UBXN7: variants seen among roughly 807,000 people sequenced by gnomAD.
The protein encoded by UBXN7 is UBX domain protein 7, also known as UBX domain-containing protein 7.
Under a neutral mutation model 58.0 loss-of-function variants are expected in UBXN7, and 9 were observed. That is an observed-to-expected ratio of 0.16 (90% CI 0.09 to 0.27). The LOEUF (loss-of-function observed/expected upper bound fraction) is 0.27, where lower values mean the gene tolerates loss of function less well. Ranked by LOEUF, UBXN7 falls within the 10% of genes least tolerant of loss-of-function variation. The probability of loss-of-function intolerance (pLI) is 1.00; values close to 1 mark genes in which losing one functional copy is unlikely to be tolerated. For synonymous variants in UBXN7, 208 were observed against 205.0 expected, an observed-to-expected ratio of 1.01 and a Z score of -0.12; for missense variants, 328 against 599.6, an observed-to-expected ratio of 0.55 and a Z score of 4.73.
Position 196,353,895 on chromosome 3 carries a change from A to G in UBXN7, c.*2790T>C, listed in dbSNP as rs1728277858. 6.6e-6 allele frequency: 1 copy of G among 151,166 alleles called. No individual in the cohort carries two copies. Among genetic ancestry groups the G allele is most frequent in the Non-Finnish European group, 1.5e-5 (1 of 67,842 alleles). 9.4% of individuals were successfully genotyped at this position (151,166 alleles called of 1,614,324 possible). A position where few individuals can be genotyped will look rare whatever the true frequency, so the allele number is the denominator to read the frequency against. ...CTTTTTTTTTTTAAACACTCCTTTC[A>G]AGCTGTGTCCAACACCCACAAGGAA... is the stretch of plus-strand genomic sequence containing the variant. On this transcript the variant is annotated 3_prime_UTR_variant, in exon 11 of 11. Transcript: ENST00000296328.
At chr3:196,379,435 G>A (rs4916492) in intron 5 of UBXN7, among the ~76,000 whole-genome samples, 38,000 of 151,940 alleles carry the variant, frequency 0.25, 6,209 homozygotes, top group East Asian at 0.83. Flanking sequence ...TTATTTTACC[G>A]AGCCCCTATT....
At chr3:196,403,437 C>T (rs1481173301) in intron 2 of UBXN7, among the ~76,000 whole-genome samples, 2 of 152,164 alleles carry the variant, frequency 1.3e-5, no homozygotes, top group Non-Finnish European at 2.9e-5. Flanking sequence ...GCTAGGATTA[C>T]AGGCATGAGC....
intron 1 of UBXN7, 40 bp downstream of exon 1, chr3:196,432,287 C>T (rs1273074377): frequency 1.5e-5 from 24 of 1,611,526 alleles, no homozygotes; most frequent in Non-Finnish European, 2.0e-5. Context: ...CTGCCCGCTC[C>T]GGACCCCACT....
intron 1 of UBXN7, among the ~76,000 whole-genome samples, chr3:196,415,374 G>A (rs1219557032): frequency 2.0e-5 from 3 of 149,356 alleles, no homozygotes; most frequent in Non-Finnish European, 4.5e-5. Flanking sequence ...GGATGGTCTC[G>A]ATCTCCTGAC....
intron 1 of UBXN7, among the ~76,000 whole-genome samples, chr3:196,426,471 A>G (rs1730851706): frequency 6.6e-6 from 1 of 152,004 alleles, no homozygotes; most frequent in Non-Finnish European, 1.5e-5. Flanking sequence ...TAACATCTAT[A>G]ATACTGTGAC....
chr3:196,382,803 G>C (rs1729246154), intron 5 of UBXN7, among the ~76,000 whole-genome samples: 1 of 152,092 alleles, frequency 6.6e-6, no homozygotes, highest in Non-Finnish European at 1.5e-5. Flanking sequence ...GATCTACCAA[G>C]CAAATGGAAA....
At chr3:196,387,609 C>A (rs11906885) in intron 5 of UBXN7, among the ~76,000 whole-genome samples, 6 of 151,892 alleles carry the variant, frequency 4.0e-5, no homozygotes, top group South Asian at 2.1e-4. Context: ...ACAAACAACC[C>A]CATCGAAAAG....
intron 10 of UBXN7, among the ~76,000 whole-genome samples, chr3:196,357,220 T>G (rs1240909748): frequency 6.6e-6 from 1 of 152,244 alleles, no homozygotes; most frequent in Non-Finnish European, 1.5e-5. Context: ...CTACACCCAA[T>G]CTTGCCACCT....
At chr3:196,362,710 A>G (rs778216636) in intron 8 of UBXN7, 23 bp from the exon 9 acceptor site, 4 of 1,570,444 alleles carry the variant, frequency 2.5e-6, no homozygotes, top group Non-Finnish European at 2.6e-6. Flanking sequence ...GTCATAAAAC[A>G]CAGGAAAAAG....
chr3:196,416,412 T>C (rs373657110), intron 1 of UBXN7, among the ~76,000 whole-genome samples: 55 of 152,074 alleles, frequency 3.6e-4, no homozygotes, highest in African/African-American at 7.0e-4. Context: ...GCCTGGGCGA[T>C]TGAGCAAGAC....
intron 5 of UBXN7, among the ~76,000 whole-genome samples, chr3:196,382,872 T>C (rs1167339142): frequency 6.6e-6 from 1 of 152,022 alleles, no homozygotes; most frequent in African/African-American, 2.4e-5. Context: ...TCCCAGCACT[T>C]TGGGAGGCCA....
At chr3:196,373,459 AG>A (rs1462714617) in intron 5 of UBXN7, among the ~76,000 whole-genome samples, 3 of 152,240 alleles carry the variant, frequency 2.0e-5, no homozygotes, top group African/African-American at 7.2e-5. Context: ...ATCTTTGCCT[AG>A]GAAAGAACAG....
chr3:196,356,945 A>G, intron 10 of UBXN7, 99 bp from the exon 11 acceptor site: 11 of 1,405,714 alleles, frequency 7.8e-6, no homozygotes, highest in Non-Finnish European at 1.0e-5. Context: ...ATCATATTAG[A>G]TCAGCTATTA....
At chr3:196,427,603 G>A (rs1417556740) in intron 1 of UBXN7, among the ~76,000 whole-genome samples, 2 of 152,236 alleles carry the variant, frequency 1.3e-5, no homozygotes, top group Non-Finnish European at 2.9e-5. Flanking sequence ...ACAGGCGTGA[G>A]CCACCGCACC....
At chr3:196,403,347 T>G (rs902296887) in intron 2 of UBXN7, among the ~76,000 whole-genome samples, 4 of 152,102 alleles carry the variant, frequency 2.6e-5, no homozygotes, top group Non-Finnish European at 4.4e-5. Context: ...TTTTTAGTAG[T>G]GACAGGGTCG....
chr3:196,431,637 A>G (rs1304331633), intron 1 of UBXN7: 2 of 187,324 alleles, frequency 1.1e-5, no homozygotes, highest in South Asian at 1.2e-4. Context: ...GGGAAACGCC[A>G]CCCTGGATTC....
At chr3:196,374,210 C>T (rs909323298) in intron 5 of UBXN7, among the ~76,000 whole-genome samples, 9 of 150,866 alleles carry the variant, frequency 6.0e-5, no homozygotes, top group African/African-American at 2.2e-4. Context: ...AAAACAATGA[C>T]AAGAAAAAAA....
chr3:196,429,631 A>G (rs912472875), intron 1 of UBXN7, among the ~76,000 whole-genome samples: 2 of 152,228 alleles, frequency 1.3e-5, no homozygotes, highest in African/African-American at 4.8e-5. Flanking sequence ...AATATAAAAT[A>G]CCTTTTAATT....
At chr3:196,398,135 T>A (rs1484008823) in intron 3 of UBXN7, among the ~76,000 whole-genome samples, 1 of 152,180 alleles carries the variant, frequency 6.6e-6, no homozygotes, top group Non-Finnish European at 1.5e-5. Flanking sequence ...ATTTGCTCTG[T>A]GTTAAGAATG....
Sources: gnomAD v4.1 joint callset for allele counts (sites outside exome capture counted in the v4.1 genomes callset) on GRCh38, gnomAD v4.1.1 for gene constraint, MANE v1.5 for transcripts, NCBI Gene and HGNC (gene_info 2026-07-23, HGNC 2026-07-21) for gene names.